ZMIZ1: variants seen among roughly 807,000 people sequenced by gnomAD.
ZMIZ1 encodes the protein zinc finger MIZ-type containing 1.
A neutral mutation model predicts 113.9 loss-of-function variants in ZMIZ1; 17 were observed. That is an observed-to-expected ratio of 0.15 (90% CI 0.10 to 0.22). ZMIZ1 has a LOEUF of 0.22. ZMIZ1 is among the 10% of genes least tolerant of loss of function. The pLI, the probability that ZMIZ1 is intolerant of heterozygous loss-of-function variation, is 1.00. For synonymous variants in ZMIZ1, 607 were observed against 603.1 expected (o/e 1.01, Z -0.09); for missense variants, 1,059 against 1,477.8 (o/e 0.72, Z 4.65).
intron 7 of ZMIZ1, among the ~76,000 whole-genome samples, chr10:79,246,129 A>C (rs1850181945): frequency 6.6e-6 from 1 of 152,244 alleles, no homozygotes; most frequent in African/African-American, 2.4e-5. Flanking sequence ...TTAACACAGG[A>C]GAAAACTGAG....
chr10:79,175,379 T>G (rs1406661775), intron 4 of ZMIZ1, among the ~76,000 whole-genome samples: 1 of 152,184 alleles, frequency 6.6e-6, no homozygotes, highest in Non-Finnish European at 1.5e-5. Context: ...ATCATGCCTG[T>G]ATTTCCCAGT....
chr10:79,212,849 G>A (rs1224193906), intron 6 of ZMIZ1, among the ~76,000 whole-genome samples: 1 of 152,036 alleles, frequency 6.6e-6, no homozygotes, highest in Non-Finnish European at 1.5e-5. Flanking sequence ...AAGCTATCCT[G>A]CCTCAGCCTC....
chr10:79,242,055 A>G (rs1033668873), intron 7 of ZMIZ1, among the ~76,000 whole-genome samples: 1 of 152,084 alleles, frequency 6.6e-6, no homozygotes, highest in South Asian at 2.1e-4. Context: ...GAGCTATAAA[A>G]TACAGTTTCT....
intron 17 of ZMIZ1, among the ~76,000 whole-genome samples, chr10:79,301,332 C>T (rs1854286271): frequency 6.6e-6 from 1 of 152,170 alleles, no homozygotes; most frequent in South Asian, 2.1e-4. Context: ...TTGTCAGCAC[C>T]TTTTCCCCCA....
intron 7 of ZMIZ1, among the ~76,000 whole-genome samples, chr10:79,265,282 A>C (rs1160181442): frequency 6.6e-6 from 1 of 152,062 alleles, no homozygotes; most frequent in East Asian, 1.9e-4. Context: ...ACAGGGAAGC[A>C]GGTAGGGCAG....
intron 7 of ZMIZ1, among the ~76,000 whole-genome samples, chr10:79,261,014 C>T (rs1589511576): frequency 6.6e-6 from 1 of 152,302 alleles, no homozygotes. Context: ...CCCTGCATGA[C>T]CTGGCTCTCT....
At chr10:79,266,549 C>T (rs546860824) in intron 7 of ZMIZ1, among the ~76,000 whole-genome samples, 23 of 152,286 alleles carry the variant, frequency 1.5e-4, no homozygotes, top group African/African-American at 4.6e-4. Flanking sequence ...CAGGGTGAGT[C>T]GGGCCAGAAG....
At chr10:79,253,667 A>G (rs1043951710) in intron 7 of ZMIZ1, among the ~76,000 whole-genome samples, 10 of 152,184 alleles carry the variant, frequency 6.6e-5, no homozygotes, top group Non-Finnish European at 1.2e-4. Flanking sequence ...CCACCAGGGC[A>G]CTGGCAAGGT....
chr10:79,263,880 T>TA (rs1851417018), intron 7 of ZMIZ1, among the ~76,000 whole-genome samples: 1 of 152,024 alleles, frequency 6.6e-6, no homozygotes, highest in Non-Finnish European at 1.5e-5. Flanking sequence ...CACTTCTTCT[T>TA]ATGCTGGGTG....
At chr10:79,129,185 A>G (rs1051100824) in intron 2 of ZMIZ1, among the ~76,000 whole-genome samples, 1 of 152,222 alleles carries the variant, frequency 6.6e-6, no homozygotes, top group Non-Finnish European at 1.5e-5. Flanking sequence ...GCAACCATAC[A>G]CAAGGTACTG....
intron 4 of ZMIZ1, among the ~76,000 whole-genome samples, chr10:79,193,980 T>C (rs1847721855): frequency 6.6e-6 from 1 of 152,280 alleles, no homozygotes; most frequent in South Asian, 2.1e-4. Context: ...GTTTGTCCCT[T>C]TGGGAGTCTA....
intron 1 of ZMIZ1, among the ~76,000 whole-genome samples, chr10:79,074,957 G>A (rs114443398): frequency 5.2e-4 from 80 of 152,404 alleles, no homozygotes; most frequent in African/African-American, 1.8e-3. Flanking sequence ...TGCTGGGGGA[G>A]GCTGGGGTGT....
chr10:79,305,706 C>A, intron 21 of ZMIZ1, 105 bp downstream of exon 21: 1 of 1,199,968 alleles, frequency 8.3e-7, no homozygotes, highest in Non-Finnish European at 1.2e-6. Flanking sequence ...CCTCCCAGGC[C>A]AGCAGACCGT....
chr10:79,277,662 G>A (rs1046125510), intron 8 of ZMIZ1, among the ~76,000 whole-genome samples: 1 of 152,190 alleles, frequency 6.6e-6, no homozygotes, highest in Non-Finnish European at 1.5e-5. Flanking sequence ...GGGATCTCAG[G>A]AAGGCCACGG....
In ZMIZ1 at chr10:79,296,253, C is replaced by T; in HGVS notation, c.1231-218C>T. On this transcript the variant is annotated intron_variant, in intron 12 of 24. Coordinates refer to ENST00000334512, the MANE Select transcript of ZMIZ1 (RefSeq NM_020338.4). This position sits in a 1 kb window ranked among gnomAD's most constrained non-coding sequence, Gnocchi z 4.1. ...AGGGGCACATGTGCTCCAGGAAGAA[C>T]GGCCTCAAGGGGAGGTGGCCTATGA... The T allele has an allele frequency of 3.4e-6, 2 of 593,120 alleles. No homozygotes were observed. The highest frequency in any genetic ancestry group is 2.0e-5 in the South Asian group (1 of 50,472). 36.7% of individuals were successfully genotyped at this position (593,120 alleles called of 1,614,324 possible).
At chr10:79,186,529 A>C (rs1185649865) in intron 4 of ZMIZ1, among the ~76,000 whole-genome samples, 2 of 152,224 alleles carry the variant, frequency 1.3e-5, no homozygotes, top group East Asian at 3.8e-4. Flanking sequence ...AGATCTTGCT[A>C]TTAGCATGAG....
chr10:79,291,428 T>C (rs914425446), intron 10 of ZMIZ1, among the ~76,000 whole-genome samples: 1 of 152,212 alleles, frequency 6.6e-6, no homozygotes, highest in African/African-American at 2.4e-5. Context: ...TTCTTACTCC[T>C]CAAAACCTCA....
chr10:79,162,367 G>C (rs935966291), intron 4 of ZMIZ1, among the ~76,000 whole-genome samples: 1 of 152,212 alleles, frequency 6.6e-6, no homozygotes, highest in Non-Finnish European at 1.5e-5. Flanking sequence ...GCTGCTAGGG[G>C]TGGGGGCTGC....
intron 6 of ZMIZ1, among the ~76,000 whole-genome samples, chr10:79,211,373 G>A (rs1048413959): frequency 3.3e-5 from 5 of 151,882 alleles, no homozygotes; most frequent in South Asian, 2.1e-4. Context: ...GGAGAAGAAC[G>A]GAATGTGGGA....
Sources: gnomAD v4.1 joint callset for allele counts (sites outside exome capture counted in the v4.1 genomes callset) on GRCh38, gnomAD v4.1.1 for gene constraint, Gnocchi (gnomAD v3.1) non-coding constraint, MANE v1.5 for transcripts, NCBI Gene and HGNC (gene_info 2026-07-23, HGNC 2026-07-21) for gene names.